CHRM3: variants seen among roughly 807,000 people sequenced by gnomAD.
CHRM3 encodes the protein cholinergic receptor muscarinic 3.
In CHRM3, 11 loss-of-function variants were observed where a neutral mutation model predicts 41.8. The observed-to-expected ratio is 0.26, with a 90% CI of 0.17 to 0.44. The LOEUF is 0.44. Ranked by LOEUF, CHRM3 falls within the 20% of genes least tolerant of loss-of-function variation. The pLI is 1.00. For synonymous variants in CHRM3, 297 were observed against 301.4 expected (o/e 0.99, Z 0.15); for missense variants, 571 against 745.4 (o/e 0.77, Z 2.72).
rs1680281741 is a variant in CHRM3, at chr1:239,910,210, A to G, written c.*986A>G. On this transcript the variant is annotated 3_prime_UTR_variant, in exon 7 of 7. Coordinates refer to ENST00000676153, the MANE Select transcript of CHRM3 (RefSeq NM_001375978.1). ...GAACCACATCCACACGTTTGAATTT[A>G]ATCATCTAAATCTGAATGTTTCAGA... 2 of 166,914 alleles carry G rather than the reference A, an allele frequency of 1.2e-5. No individual in the cohort carries two copies. The highest frequency in any genetic ancestry group is 4.8e-5 in the African/African-American group (2 of 41,368). The allele number at this position is 166,914 out of a possible 1,614,324, so 10.3% of individuals were successfully genotyped here.
At chr1:239,663,880 T>C (rs1673504993) in intron 4 of CHRM3, among the ~76,000 whole-genome samples, 1 of 152,230 alleles carries the variant, frequency 6.6e-6, no homozygotes, top group African/African-American at 2.4e-5. Flanking sequence ...TTTCTGATGA[T>C]TTCACATAGC....
At chr1:239,746,772 T>C (rs1035812349) in intron 5 of CHRM3, among the ~76,000 whole-genome samples, 48 of 152,240 alleles carry the variant, frequency 3.2e-4, no homozygotes, top group African/African-American at 1.1e-3. Context: ...TTTCTTTTTT[T>C]TTTGAGACAG....
chr1:239,864,557 C>T (rs1382770532), intron 6 of CHRM3, among the ~76,000 whole-genome samples: 3 of 143,058 alleles, frequency 2.1e-5, no homozygotes, highest in African/African-American at 9.1e-5. Context: ...CACACACACA[C>T]ACATATACAT....
chr1:239,823,035 G>A (rs1020720255), intron 5 of CHRM3, among the ~76,000 whole-genome samples: 4 of 152,188 alleles, frequency 2.6e-5, no homozygotes, highest in African/African-American at 7.2e-5. Context: ...CAGGTACCCA[G>A]GAGTTCAAGG....
intron 1 of CHRM3, among the ~76,000 whole-genome samples, chr1:239,433,796 T>C (rs1663019512): frequency 6.6e-6 from 1 of 152,214 alleles, no homozygotes; most frequent in South Asian, 2.1e-4. Flanking sequence ...AATTTGTTCC[T>C]TCCTATGACT....
intron 2 of CHRM3, among the ~76,000 whole-genome samples, chr1:239,495,162 T>C (rs1202594072): frequency 1.3e-5 from 2 of 152,142 alleles, no homozygotes; most frequent in African/African-American, 4.8e-5. Flanking sequence ...AATTCACATA[T>C]TGAGTACAGG....
At chr1:239,671,995 C>T (rs906601933) in intron 4 of CHRM3, among the ~76,000 whole-genome samples, 1 of 152,128 alleles carries the variant, frequency 6.6e-6, no homozygotes, top group Non-Finnish European at 1.5e-5. Context: ...CAGTCTGAAT[C>T]ATGCCTCCCA....
At chr1:239,730,603 A>T (rs1006757310) in intron 5 of CHRM3, 1 of 152,016 alleles carries the variant, frequency 6.6e-6, no homozygotes, top group Non-Finnish European at 1.5e-5. Context: ...CAGTCTGTAC[A>T]GAGAAACTGA....
intron 3 of CHRM3, among the ~76,000 whole-genome samples, chr1:239,606,554 G>A (rs575252155): frequency 5.5e-4 from 83 of 152,270 alleles, no homozygotes; most frequent in African/African-American, 1.8e-3. Context: ...GATTATAGGC[G>A]TGAGCCATCG....
rs753777645 is a variant in CHRM3, at chr1:239,908,060, C to A, written c.609C>A (p.Ala203=). The part of the protein sequence containing the change: ...WVISFVLWAP[A]ILFWQYFVGK... The stretch of plus-strand genomic sequence containing the variant: ...TCTCCTTTGTCCTTTGGGCTCCTGC[C>A]ATCTTGTTCTGGCAATACTTTGTTG... The change falls in exon 7 of 7, where the codon GCC becomes GCA. Residue 203 remains alanine (A), a synonymous_variant. Coordinates refer to ENST00000676153, the MANE Select transcript of CHRM3 (RefSeq NM_001375978.1). This position sits in a 1 kb window ranked among gnomAD's most constrained non-coding sequence, Gnocchi z 7.2. 1.9e-6 allele frequency: 3 copies of A among 1,614,176 alleles called. No homozygotes were observed. In the South Asian group the frequency reaches 3.3e-5, roughly 18 times the overall value.
intron 1 of CHRM3, among the ~76,000 whole-genome samples, chr1:239,442,090 C>T (rs1358619354): frequency 1.3e-5 from 2 of 152,004 alleles, no homozygotes; most frequent in Non-Finnish European, 2.9e-5. Context: ...CAGGGTTCAG[C>T]GTCAGGAGGT....
At chr1:239,866,105 C>A (rs763211566) in intron 6 of CHRM3, among the ~76,000 whole-genome samples, 1 of 152,106 alleles carries the variant, frequency 6.6e-6, no homozygotes, top group African/African-American at 2.4e-5. Flanking sequence ...AGGCCGGGCA[C>A]GGTGGCTCAC....
At chr1:239,622,668 G>T (rs148923355) in intron 3 of CHRM3, among the ~76,000 whole-genome samples, 1 of 152,266 alleles carries the variant, frequency 6.6e-6, no homozygotes, top group East Asian at 1.9e-4. Flanking sequence ...AGGAGGAGTT[G>T]CTTGTTATGG....
At chr1:239,699,454 G>C (rs1327836249) in intron 5 of CHRM3, among the ~76,000 whole-genome samples, 1 of 152,096 alleles carries the variant, frequency 6.6e-6, no homozygotes, top group Non-Finnish European at 1.5e-5. Flanking sequence ...AAAATGTGTT[G>C]AGAAGGCAGC....
At chr1:239,390,122 C>T (rs893526054) in intron 1 of CHRM3, among the ~76,000 whole-genome samples, 4 of 152,160 alleles carry the variant, frequency 2.6e-5, no homozygotes, top group Non-Finnish European at 5.9e-5. Flanking sequence ...ATGTATTCTC[C>T]TTACATAAGA....
intron 5 of CHRM3, among the ~76,000 whole-genome samples, chr1:239,752,251 G>A (rs1013058850): frequency 2.0e-5 from 3 of 152,160 alleles, no homozygotes; most frequent in East Asian, 1.9e-4. Flanking sequence ...GGAAAACATC[G>A]TCAGAGAGCT....
chr1:239,673,561 C>G (rs113637943), intron 4 of CHRM3, among the ~76,000 whole-genome samples: 1,964 of 152,084 alleles, frequency 0.013, 56 homozygotes, highest in African/African-American at 0.046. Flanking sequence ...TTTCATTCAA[C>G]GTATATTTTA....
At chr1:239,641,439 C>G (rs1298914282) in intron 4 of CHRM3, among the ~76,000 whole-genome samples, 2 of 147,226 alleles carry the variant, frequency 1.4e-5, no homozygotes, top group East Asian at 2.0e-4. Flanking sequence ...CTTTATGAAT[C>G]TGGGTGCTCC....
intron 3 of CHRM3, among the ~76,000 whole-genome samples, chr1:239,618,307 G>T (rs1667884368): frequency 7.7e-6 from 1 of 130,202 alleles, no homozygotes; most frequent in Non-Finnish European, 1.6e-5. Flanking sequence ...ATGACAAGCA[G>T]AGTGGTAAGG....
Sources: allele counts gnomAD v4.1 joint callset (sites outside exome capture counted in the v4.1 genomes callset), GRCh38; gene constraint gnomAD v4.1.1; non-coding constraint Gnocchi (gnomAD v3.1); transcripts MANE v1.5; gene names NCBI Gene and HGNC (gene_info 2026-07-23, HGNC 2026-07-21).